Variants in MBNL1 observed in about 807,000 individuals in gnomAD.
MBNL1 encodes the protein muscleblind like splicing regulator 1, also known as muscleblind-like protein 1.
Under a neutral mutation model 42.2 loss-of-function variants are expected in MBNL1, and 8 were observed. The ratio of observed to expected loss-of-function variants is 0.19; its 90% CI spans 0.11 to 0.34. The LOEUF (loss-of-function observed/expected upper bound fraction) is 0.34. Among genes scored for constraint, MBNL1 ranks in the 10% least tolerant of loss-of-function variants. The pLI, the probability that MBNL1 is intolerant of heterozygous loss-of-function variation, is 1.00. For synonymous variants in MBNL1, 169 were observed against 173.9 expected (o/e 0.97, Z 0.22); for missense variants, 309 against 495.3 (o/e 0.62, Z 3.57).
chr3:152,339,968 G>A (rs911874217), intron 2 of MBNL1: 1 of 152,094 alleles, frequency 6.6e-6, no homozygotes, highest in Non-Finnish European at 1.5e-5. Flanking sequence ...CCCCAGTGTT[G>A]ACATCTATTA....
At chr3:152,314,618 G>C (rs1033387372) in intron 2 of MBNL1, among the ~76,000 whole-genome samples, 1 of 152,212 alleles carries the variant, frequency 6.6e-6, no homozygotes, top group African/African-American at 2.4e-5. Context: ...CAGGCGATCC[G>C]CCTGTCTCAG....
chr3:152,352,240 G>A lies in MBNL1; in HGVS notation c.174+51873G>A, dbSNP rs141480304. On this transcript the variant is annotated intron_variant, in intron 2 of 9. Coordinates refer to ENST00000324210, the MANE Select transcript of MBNL1 (RefSeq NM_021038.5). ...AATTTAGGATGAGCAAAATATGGCC[G>A]ATGACAGCTTTCATGTATTCATTTT... Among the ~76,000 whole-genome samples, 312 of 152,220 alleles carry A rather than the reference G, an allele frequency of 2.0e-3. 5 individuals are homozygous for A. The highest frequency in any genetic ancestry group is 1.5e-3 in the East Asian group (8 of 5,182).
chr3:152,248,309 T>C (rs1367319021), intron 2 of MBNL1, among the ~76,000 whole-genome samples: 1 of 152,060 alleles, frequency 6.6e-6, no homozygotes, highest in Admixed American at 6.6e-5. Context: ...GTGAGTTTTC[T>C]TAAATGCTCA....
intron 2 of MBNL1, among the ~76,000 whole-genome samples, chr3:152,301,504 A>G (rs903595276): frequency 6.6e-6 from 1 of 152,250 alleles, no homozygotes; most frequent in African/African-American, 2.4e-5. Flanking sequence ...TAATTGTTTC[A>G]GTTCATTGTT....
intron 2 of MBNL1, among the ~76,000 whole-genome samples, chr3:152,312,351 G>C (rs1253827098): frequency 6.6e-6 from 1 of 152,164 alleles, no homozygotes; most frequent in Non-Finnish European, 1.5e-5. Flanking sequence ...AGTGTTATAA[G>C]TGTCCTTTCC....
At chr3:152,458,378 T>C (rs1279498430) in intron 8 of MBNL1, 2 of 580,844 alleles carry the variant, frequency 3.4e-6, no homozygotes, top group Admixed American at 6.1e-5. Context: ...AGCAACAAAA[T>C]GCCTTTGTGT....
chr3:152,461,273 G>A (rs529802577), intron 9 of MBNL1, among the ~76,000 whole-genome samples: 2 of 152,284 alleles, frequency 1.3e-5, no homozygotes, highest in African/African-American at 2.4e-5. Context: ...TGCTGCAATC[G>A]TGAATTATTA....
chr3:152,315,545 T>A (rs2070348655), intron 2 of MBNL1, among the ~76,000 whole-genome samples: 1 of 152,208 alleles, frequency 6.6e-6, no homozygotes, highest in South Asian at 2.1e-4. Flanking sequence ...GATAAAAAAA[T>A]TTCCATGTAA....
intron 2 of MBNL1, among the ~76,000 whole-genome samples, chr3:152,321,223 CA>C (rs1314874682): frequency 3.9e-5 from 6 of 151,988 alleles, no homozygotes; most frequent in Admixed American, 1.3e-4. Context: ...AGAGGATCAT[CA>C]GGGGAGTTAA....
chr3:152,438,762 G>A (rs956487014), intron 4 of MBNL1, among the ~76,000 whole-genome samples: 5 of 152,078 alleles, frequency 3.3e-5, no homozygotes, highest in East Asian at 3.8e-4. Flanking sequence ...CTTTTTCATC[G>A]TTTACTTAAT....
intron 2 of MBNL1, among the ~76,000 whole-genome samples, chr3:152,409,597 A>C (rs186861684): frequency 1.3e-5 from 2 of 152,318 alleles, no homozygotes; most frequent in African/African-American, 2.4e-5. Flanking sequence ...GCTATCCCAA[A>C]AGGAAATCTT....
intron 2 of MBNL1, among the ~76,000 whole-genome samples, chr3:152,356,834 G>A (rs1283896340): frequency 6.8e-6 from 1 of 146,392 alleles, no homozygotes; most frequent in East Asian, 2.0e-4. Context: ...GTATTCCAGA[G>A]GGGATCTGGG....
chr3:152,427,816 T>G (rs2098954331), intron 3 of MBNL1, among the ~76,000 whole-genome samples: 1 of 151,078 alleles, frequency 6.6e-6, no homozygotes, highest in African/African-American at 2.4e-5. Context: ...TTTTATTTCT[T>G]TATATACATA....
intron 2 of MBNL1, among the ~76,000 whole-genome samples, chr3:152,244,995 G>A (rs957167224): frequency 1.3e-5 from 2 of 151,906 alleles, no homozygotes; most frequent in African/African-American, 4.8e-5. Context: ...AATTTGTAGT[G>A]TAGACAGCAT....
At chr3:152,412,695 CCAGGCTATGTT>C (rs1362053283) in intron 2 of MBNL1, among the ~76,000 whole-genome samples, 37 of 152,128 alleles carry the variant, frequency 2.4e-4, no homozygotes, top group East Asian at 1.9e-4. Flanking sequence ...TTATTTCAGT[CCAGGCTATGTT>C]CATTGGCAGG....
At chr3:152,379,353 G>T (rs1489083721) in intron 2 of MBNL1, among the ~76,000 whole-genome samples, 2 of 152,116 alleles carry the variant, frequency 1.3e-5, no homozygotes, top group African/African-American at 2.4e-5. Context: ...TTTTCCCTTG[G>T]AATAGAAACC....
At chr3:152,368,447 T>C (rs985861847) in intron 2 of MBNL1, among the ~76,000 whole-genome samples, 11 of 152,224 alleles carry the variant, frequency 7.2e-5, no homozygotes, top group Non-Finnish European at 1.6e-4. Flanking sequence ...GGTAGCGTGA[T>C]GCCACCAGCA....
At chr3:152,393,066 C>G (rs563716391) in intron 2 of MBNL1, among the ~76,000 whole-genome samples, 1 of 152,124 alleles carries the variant, frequency 6.6e-6, no homozygotes, top group Non-Finnish European at 1.5e-5. Flanking sequence ...CAAGATGCCT[C>G]CCATAGGAAG....
At chr3:152,268,595 T>C, upstream of MBNL1, 1 of 373,132 alleles carries the variant, frequency 2.7e-6, no homozygotes, top group Non-Finnish European at 5.3e-6. Context: ...GTTACAATGC[T>C]GAACGCATGA....
Sources: gnomAD v4.1 joint callset for allele counts (sites outside exome capture counted in the v4.1 genomes callset) on GRCh38, gnomAD v4.1.1 for gene constraint, MANE v1.5 for transcripts, NCBI Gene and HGNC (gene_info 2026-07-23, HGNC 2026-07-21) for gene names.